The following STRAP variants were observed in gnomAD, a reference collection of about 807,000 sequenced individuals.
STRAP encodes the protein serine-threonine kinase receptor-associated protein.
A neutral mutation model predicts 47.0 loss-of-function variants in STRAP; 16 were observed. The ratio of observed to expected loss-of-function variants is 0.34; its 90% confidence interval spans 0.23 to 0.52. The LOEUF (loss-of-function observed/expected upper bound fraction) is 0.52. Ranked by LOEUF, STRAP falls within the 20% of genes least tolerant of loss-of-function variation. The pLI, the probability that STRAP is intolerant of heterozygous loss-of-function variation, is 0.96. For missense variants in STRAP, 293 were observed against 420.0 expected (o/e 0.70, Z 2.64); for synonymous variants, 130 against 142.7 (o/e 0.91, Z 0.63).
chr12:15,900,865 T>C (rs577883221), intron 8 of STRAP, 82 bp from the exon 9 acceptor site: 7 of 1,132,400 alleles, frequency 6.2e-6, no homozygotes, highest in South Asian at 2.5e-5. Flanking sequence ...AATAGTCTTA[T>C]GTTGCTCTTC....
chr12:15,902,799 C>A, intron 9 of STRAP, 118 bp from the exon 10 acceptor site: 1 of 1,259,872 alleles, frequency 7.9e-7, no homozygotes, highest in Non-Finnish European at 1.0e-6. Flanking sequence ...TCCCTTACCA[C>A]AGTATGCTTT....
rs1948041688 is a variant in STRAP, at chr12:15,894,232, G to A, written c.500+89G>A. On this transcript the variant is annotated intron_variant, in intron 5 of 9. Transcript: ENST00000419869. This position sits in a 1 kb window ranked among gnomAD's most constrained non-coding sequence, Gnocchi z 4.9. ...CTCAGCACTTTGGGAGGCGAGCCGG[G>A]TGGATCATTAGAGGTCAGGAGTACT... The A allele has an allele frequency of 9.8e-7, 1 of 1,016,552 alleles. No homozygotes were observed. The highest frequency in any genetic ancestry group is 1.5e-6 in the Non-Finnish European group (1 of 660,336). The allele number at this position is 1,016,552 out of a possible 1,614,324, so 63.0% of individuals were successfully genotyped here.
intron 2 of STRAP, among the ~76,000 whole-genome samples, chr12:15,886,439 G>A (rs895157588): frequency 3.9e-5 from 6 of 152,142 alleles, no homozygotes; most frequent in African/African-American, 1.4e-4. Context: ...GCCCACCATG[G>A]CAGGATGTTT....
chr12:15,884,523 C>G (rs1392490298), intron 2 of STRAP, among the ~76,000 whole-genome samples: 1 of 145,456 alleles, frequency 6.9e-6, no homozygotes. Context: ...TTTTTTTTTA[C>G]TTTTTTACTA....
chr12:15,882,677 C>T lies in STRAP; in HGVS notation c.-31C>T, dbSNP rs1244853125. On this transcript the variant is annotated 5_prime_UTR_variant, in exon 1 of 10. Coordinates refer to ENST00000419869, the MANE Select transcript of STRAP (RefSeq NM_007178.4). ...GAAAAGACAACGACGACCCTCAGCT[C>T]GCCAGTCCGGTCGCTGGCTTCGCCG... is the stretch of plus-strand genomic sequence containing the variant. 6.3e-7 allele frequency: 1 copy of T among 1,575,058 alleles called. No individual in the cohort carries two copies. The highest frequency in any genetic ancestry group is 2.3e-5 in the East Asian group (1 of 44,378).
intron 9 of STRAP, among the ~76,000 whole-genome samples, chr12:15,902,152 T>G (rs1948109256): frequency 6.6e-6 from 1 of 152,034 alleles, no homozygotes; most frequent in Admixed American, 6.5e-5. Context: ...TTTTGTATTT[T>G]TAGTAGAGAT....
intron 6 of STRAP, among the ~76,000 whole-genome samples, chr12:15,895,712 T>A (rs919708828): frequency 6.6e-6 from 1 of 151,340 alleles, no homozygotes; most frequent in African/African-American, 2.4e-5. Flanking sequence ...AAAAATAAAA[T>A]TAGCTGGGTG....
chr12:15,883,175 T>C, intron 1 of STRAP: 1 of 1,512,370 alleles, frequency 6.6e-7, no homozygotes, highest in Non-Finnish European at 8.9e-7. Context: ...GGCCGTGCAA[T>C]ACCTTACAAA....
At chr12:15,902,693 G>C (rs1389973435) in intron 9 of STRAP, among the ~76,000 whole-genome samples, 2 of 152,138 alleles carry the variant, frequency 1.3e-5, no homozygotes, top group African/African-American at 4.8e-5. Flanking sequence ...TATGGTGTAA[G>C]AGAATCTAGT....
intron 1 of STRAP, 77 bp downstream of exon 1, chr12:15,882,896 C>CG: frequency 6.8e-7 from 1 of 1,473,276 alleles, no homozygotes. Flanking sequence ...GCTCCAGTGC[C>CG]GAAGCGGTGG....
intron 9 of STRAP, among the ~76,000 whole-genome samples, chr12:15,902,340 T>C (rs149285762): frequency 6.6e-6 from 1 of 152,298 alleles, no homozygotes. Context: ...GAGAGTCTTT[T>C]GTTAGACTTG....
chr12:15,898,608 G>A (rs1251566903), intron 7 of STRAP, among the ~76,000 whole-genome samples: 1 of 152,054 alleles, frequency 6.6e-6, no homozygotes, highest in African/African-American at 2.4e-5. Flanking sequence ...CCTTAGTAAG[G>A]GAAAGGGAAA....
Position 15,903,052 on chromosome 12 carries a change from GT to G in STRAP, c.*76del. The G allele has an allele frequency of 7.0e-7, 1 of 1,427,386 alleles. No homozygotes were observed. Among genetic ancestry groups the G allele is most frequent in the South Asian group, 1.5e-5 (1 of 68,286 alleles). The allele number at this position is 1,427,386 out of a possible 1,614,324, so 88.4% of individuals were successfully genotyped here. ...CAGAGAAAAGCATCAGCCTTCCAGAGTTACTGTCTGCTTAAGGCAGAAACAG... is the reference window on the plus strand; with the variant it reads ...CAGAGAAAAGCATCAGCCTTCCAGAGTACTGTCTGCTTAAGGCAGAAACAG... On this transcript the variant is annotated 3_prime_UTR_variant, in exon 10 of 10. Transcript: ENST00000419869.
In STRAP at chr12:15,896,476, T is replaced by A. The variant is rs1186394542; in HGVS notation, c.638+980T>A. ...ATTATACCCATAGGTGCAAGAGTGA[T>A]AATGGTAGTTATATTTTCTGCTAGT... On this transcript the variant is annotated intron_variant, in intron 6 of 9. Coordinates refer to ENST00000419869, the MANE Select transcript of STRAP (RefSeq NM_007178.4). The surrounding 1 kb of genome is among the most constrained non-coding windows in gnomAD (Gnocchi z 4.1). Among the ~76,000 whole-genome samples, 1 of 152,104 alleles carries A rather than the reference T, an allele frequency of 6.6e-6. No individual in the cohort carries two copies. The highest frequency in any genetic ancestry group is 1.5e-5 in the Non-Finnish European group (1 of 68,018).
Position 15,890,597 on chromosome 12 carries a change from G to A in STRAP, c.331G>A (p.Asp111Asn). The A allele has an allele frequency of 1.2e-6, 2 of 1,608,576 alleles. No homozygotes were observed. Among genetic ancestry groups the A allele is most frequent in the Non-Finnish European group, 1.7e-6 (2 of 1,177,648 alleles). Residue 111 changes from aspartate (D) to asparagine (N), a missense_variant and splice_region_variant, in exon 4 of 10, where the codon GAT (aspartate) becomes AAT (asparagine). This residue lies in a region of STRAP where 152 missense variants were observed against 183.0 expected (regional missense o/e 0.83). Transcript: ENST00000419869. The surrounding 1 kb of genome is among the most constrained non-coding windows in gnomAD (Gnocchi z 4.5). ...HIVKTVDFTQ[D>N]SNYLLTGGQD... ...TTCACATTTTACTTTGTGTTTTCAG[G>A]ATAGTAATTATTTGTTAACCGGGGG...
chr12:15,893,497 AT>A (rs1235290019), intron 4 of STRAP, among the ~76,000 whole-genome samples: 1 of 146,906 alleles, frequency 6.8e-6, no homozygotes, highest in African/African-American at 2.5e-5. Flanking sequence ...AATTCTTTTT[AT>A]TATACATATA....
chr12:15,893,406 A>G (rs533694277), intron 4 of STRAP, among the ~76,000 whole-genome samples: 6 of 147,746 alleles, frequency 4.1e-5, no homozygotes, highest in African/African-American at 1.2e-4. Flanking sequence ...TATTAATAAT[A>G]TAATAAATAC....
chr12:15,902,944 G>A lies in STRAP; in HGVS notation c.1019G>A (p.Cys340Tyr), dbSNP rs777773134. 2.7e-6 allele frequency: 4 copies of A among 1,483,824 alleles called. No individual in the cohort carries two copies. The Admixed American group carries it at 6.4e-5, about 24-fold the overall frequency. 91.9% of individuals were successfully genotyped at this position (1,483,824 alleles called of 1,614,324 possible). A position where few individuals can be genotyped will look rare whatever the true frequency, so the allele number is the denominator to read the frequency against. The change falls in exon 10 of 10, where the codon TGC becomes TAC. Residue 340 changes from cysteine (C) to tyrosine (Y), a missense_variant. Around this residue, in one of 5 missense-constraint regions of STRAP, gnomAD observed 52 missense variants for 45.0 expected, o/e 1.16. Transcript: ENST00000419869. ...GAAATTGCTTCAGAGAATTCAGATT[G>A]CATCTTTCCTTCAGCTCCTGATGTT... ...LEEIASENSD[C>Y]IFPSAPDVKA
intron 8 of STRAP, 186 bp from the exon 9 acceptor site, chr12:15,900,761 C>G (rs1948096376): frequency 2.4e-6 from 1 of 421,296 alleles, no homozygotes; most frequent in Non-Finnish European, 4.1e-6. Context: ...CAGTATGAAC[C>G]TAAAAGTAAT....
Sources: allele counts gnomAD v4.1 joint callset (sites outside exome capture counted in the v4.1 genomes callset), GRCh38; gene constraint gnomAD v4.1.1; regional missense constraint gnomAD v4.1.1; non-coding constraint Gnocchi (gnomAD v3.1); transcripts MANE v1.5; gene names NCBI Gene and HGNC (gene_info 2026-07-23, HGNC 2026-07-21).